Variants in HNRNPK observed in about 807,000 individuals in gnomAD.
The protein encoded by HNRNPK is dC-stretch binding protein.
Under a neutral mutation model 67.0 loss-of-function variants are expected in HNRNPK, and 7 were observed. The observed-to-expected ratio is 0.10, with a 90% CI of 0.06 to 0.20. HNRNPK has a LOEUF of 0.20. Among genes scored for constraint, HNRNPK ranks in the 10% least tolerant of loss-of-function variants. HNRNPK has a pLI of 1.00. For missense variants in HNRNPK, 264 were observed against 606.5 expected (o/e 0.44, Z 5.93); for synonymous variants, 213 against 193.7 (o/e 1.10, Z -0.83).
chr9:83,979,709 A>G (rs1393633318), intron 1 of HNRNPK, among the ~76,000 whole-genome samples: 1 of 134,992 alleles, frequency 7.4e-6, no homozygotes, highest in Non-Finnish European at 1.6e-5. Context: ...CGCGGTCCCG[A>G]GGTCTCATCC....
At chr9:83,970,704 T>C in intron 15 of HNRNPK, 33 bp downstream of exon 15, 3 of 1,247,478 alleles carry the variant, frequency 2.4e-6, no homozygotes, top group Non-Finnish European at 3.5e-6. Context: ...ATAAAAGTGA[T>C]AAAATGTTCC....
intron 6 of HNRNPK, among the ~76,000 whole-genome samples, chr9:83,975,227 T>G (rs1030958457): frequency 1.3e-5 from 2 of 152,110 alleles, no homozygotes; most frequent in Non-Finnish European, 2.9e-5. Context: ...ATGCGGCAAA[T>G]ATGCAACACT....
chr9:83,968,407 A>C lies in HNRNPK; in HGVS notation c.*1000T>G, dbSNP rs189989209. On this transcript the variant is annotated 3_prime_UTR_variant, in exon 17 of 17. Coordinates refer to ENST00000376263, the MANE Select transcript of HNRNPK (RefSeq NM_031263.4). ...ATATATATTTTACAAAGTTTAACTA[A>C]TAAGACACTAGAGCAAATTGACAGT... The C allele has an allele frequency of 6.5e-6, 1 of 152,736 alleles. No homozygotes were observed. The highest frequency in any genetic ancestry group is 1.5e-5 in the Non-Finnish European group (1 of 68,032). 9.5% of individuals were successfully genotyped at this position (152,736 alleles called of 1,614,324 possible).
At chr9:83,969,525 T>C in intron 16 of HNRNPK, 85 bp from the exon 17 acceptor site, 1 of 842,738 alleles carries the variant, frequency 1.2e-6, no homozygotes, top group East Asian at 2.4e-5. Flanking sequence ...CAATGCTAAA[T>C]TAAAATGATA....
chr9:83,975,522 C>T lies in HNRNPK; in HGVS notation c.214-17G>A. 6.2e-7 allele frequency: 1 copy of T among 1,608,162 alleles called. No homozygotes were observed. The highest frequency in any genetic ancestry group is 8.5e-7 in the Non-Finnish European group (1 of 1,174,670). Reference sequence around the variant, plus strand: ...GGCATTGTACTGCATTGGTCATTGGCGTTCGTGGATGTTGGCATTGGGCAT... The same window carrying T: ...GGCATTGTACTGCATTGGTCATTGGTGTTCGTGGATGTTGGCATTGGGCAT... On this transcript the variant is annotated splice_polypyrimidine_tract_variant and intron_variant, in intron 5 of 16. Transcript: ENST00000376263.
chr9:83,972,013 A>G lies in HNRNPK; in HGVS notation c.822T>C (p.Pro274=). 1 of 1,613,796 alleles carries G rather than the reference A, an allele frequency of 6.2e-7. No homozygotes were observed. Among genetic ancestry groups the G allele is most frequent in the Non-Finnish European group, 8.5e-7 (1 of 1,179,822 alleles). ...TATCATCATAATCTCTTCTAGATGG[A>G]GGCATGGGACGCCCACCCCGACCAG... is the stretch of plus-strand genomic sequence containing the variant. ...MPPGRGGRPM[P]PSRRDYDDMS... is the part of the protein sequence containing the mutation. Residue 274 remains proline (P), a synonymous_variant, in exon 11 of 17, where the codon CCT becomes CCC. Transcript: ENST00000376263.
At chr9:83,974,680 A>G in intron 6 of HNRNPK, 91 bp from the exon 7 acceptor site, 1 of 802,014 alleles carries the variant, frequency 1.2e-6, no homozygotes, top group South Asian at 1.5e-5. Context: ...AAACTTTCAC[A>G]GAGATGTAAC....
At chr9:83,979,533 C>T (rs1957259716) in intron 1 of HNRNPK, among the ~76,000 whole-genome samples, 1 of 152,216 alleles carries the variant, frequency 6.6e-6, no homozygotes, top group Non-Finnish European at 1.5e-5. Context: ...CGCCTCCCGG[C>T]ACCGAGATCA....
At chr9:83,974,459 A>G (rs1956986869) in intron 7 of HNRNPK, 58 bp downstream of exon 7, 2 of 832,572 alleles carry the variant, frequency 2.4e-6, no homozygotes, top group East Asian at 2.5e-5. Context: ...CCAATACAAC[A>G]TACTTTAAAC....
chr9:83,972,833 T>C lies in HNRNPK; in HGVS notation c.645+11A>G. On this transcript the variant is annotated intron_variant, in intron 10 of 16. Coordinates refer to ENST00000376263, the MANE Select transcript of HNRNPK (RefSeq NM_031263.4). Reference sequence around the variant, plus strand: ...TAAAATCAAATGTAAACAAAAAGTGTTCTGAAGTACCTCAGATATAAGATC... The same window carrying C: ...TAAAATCAAATGTAAACAAAAAGTGCTCTGAAGTACCTCAGATATAAGATC... 2 of 1,581,990 alleles carry C rather than the reference T, an allele frequency of 1.3e-6. No homozygotes were observed. Among genetic ancestry groups the C allele is most frequent in the Non-Finnish European group, 1.7e-6 (2 of 1,167,114 alleles).
In HNRNPK at chr9:83,968,090, G is replaced by A. The variant is rs936120462; in HGVS notation, c.*1317C>T. The A allele has an allele frequency of 3.9e-5, 6 of 152,312 alleles. No individual in the cohort carries two copies. The highest frequency in any genetic ancestry group is 7.4e-5 in the Non-Finnish European group (5 of 68,006). The allele number at this position is 152,312 out of a possible 1,614,324, so 9.4% of individuals were successfully genotyped here. On this transcript the variant is annotated 3_prime_UTR_variant, in exon 17 of 17. Coordinates refer to ENST00000376263, the MANE Select transcript of HNRNPK (RefSeq NM_031263.4). ...ACACTTCACACAAAAAAATACATAA[G>A]ATTACTATATTTCCTTTTAAGAGGA...
rs180902504 is a variant in HNRNPK, at chr9:83,976,819, C to A, written c.213+176G>T. On this transcript the variant is annotated intron_variant, in intron 5 of 16. Transcript: ENST00000376263. ...AAACCACCCCCCCACCCTGCTCAATCTGGGCTTTTGTTAAAACAGGAATGG... is the reference window on the plus strand; with the variant it reads ...AAACCACCCCCCCACCCTGCTCAATATGGGCTTTTGTTAAAACAGGAATGG... The A allele has an allele frequency of 3.9e-3, 1,800 of 466,026 alleles. 6 individuals carry two copies. The highest frequency in any genetic ancestry group is 7.3e-3 in the Admixed American group (197 of 26,840). 28.9% of individuals were successfully genotyped at this position (466,026 alleles called of 1,614,324 possible). A position where few individuals can be genotyped will look rare whatever the true frequency, so the allele number is the denominator to read the frequency against.
In HNRNPK at chr9:83,977,778, G is replaced by A. The variant is rs745416731; in HGVS notation, c.67C>T (p.Pro23Ser). ...TETNGEFGKR[P>S]AEDMEEEQAF... ...TGTTCCTCTTCCATATCTTCTGCAG[G>A]GCGTTTACCTAAAAATTAACAGTTC... is the stretch of plus-strand genomic sequence containing the variant. The change falls in exon 4 of 17, where the codon CCT (proline) becomes TCT (serine). Residue 23 changes from proline to serine, a missense_variant. Pro to Ser is a moderately conservative substitution (Grantham distance 74). Coordinates refer to ENST00000376263, the MANE Select transcript of HNRNPK (RefSeq NM_031263.4). 6.3e-7 allele frequency: 1 copy of A among 1,596,262 alleles called. No homozygotes were observed. The highest frequency in any genetic ancestry group is 1.7e-5 in the Admixed American group (1 of 59,464).
chr9:83,973,031 T>G, intron 9 of HNRNPK, 59 bp from the exon 10 acceptor site: 2 of 1,273,742 alleles, frequency 1.6e-6, no homozygotes, highest in Non-Finnish European at 2.2e-6. Context: ...CTTTCCTAGG[T>G]TCAGTGAAAA....
intron 10 of HNRNPK, 40 bp from the exon 11 acceptor site, chr9:83,972,229 A>G (rs749656574): frequency 8.3e-6 from 12 of 1,445,902 alleles, no homozygotes; most frequent in South Asian, 5.2e-5. Flanking sequence ...ACTGAAGAAA[A>G]AGAGTCCTGC....
chr9:83,973,433 A>T lies in HNRNPK; in HGVS notation c.403-34T>A, dbSNP rs562056209. The T allele has an allele frequency of 9.1e-6, 11 of 1,204,746 alleles. No individual in the cohort carries two copies. The Admixed American group carries it at 1.5e-4, about 17-fold the overall frequency. The allele number at this position is 1,204,746 out of a possible 1,614,324, so 74.6% of individuals were successfully genotyped here. A position where few individuals can be genotyped will look rare whatever the true frequency, so the allele number is the denominator to read the frequency against. On this transcript the variant is annotated intron_variant, in intron 8 of 16. Coordinates refer to ENST00000376263, the MANE Select transcript of HNRNPK (RefSeq NM_031263.4). ...GGAGAATTATAAAATTTTAGTCTCA[A>T]ATCAACAATTCCCCAATACACACTT...
At position 83,972,026 on chromosome 9, in the gene HNRNPK, C is replaced by G; in HGVS notation, c.809G>C (p.Gly270Ala). Residue 270 changes from glycine (G) to alanine (A), a missense_variant, in exon 11 of 17, where the codon GGG becomes GCG. By Grantham distance (60) the Gly-to-Ala change is moderately conservative. Coordinates refer to ENST00000376263, the MANE Select transcript of HNRNPK (RefSeq NM_031263.4). The part of the protein sequence containing the change: ...GFDRMPPGRG[G>A]RPMPPSRRDY... The stretch of plus-strand genomic sequence containing the variant: ...TCTTCTAGATGGAGGCATGGGACGC[C>G]CACCCCGACCAGGAGGCATTCTGTC... 2 of 1,613,888 alleles carry G rather than the reference C, an allele frequency of 1.2e-6. No individual in the cohort carries two copies. Among genetic ancestry groups the G allele is most frequent in the Non-Finnish European group, 1.7e-6 (2 of 1,179,854 alleles).
chr9:83,973,497 A>G (rs1956947706), intron 8 of HNRNPK, 98 bp from the exon 9 acceptor site: 1 of 728,800 alleles, frequency 1.4e-6, no homozygotes, highest in South Asian at 1.6e-5. Context: ...TGTTGCAGTG[A>G]GCAACCTGAA....
At position 83,971,447 on chromosome 9, in the gene HNRNPK, C is replaced by T. The variant is rs751237555; in HGVS notation, c.1009-91G>A. The T allele has an allele frequency of 2.1e-4, 202 of 945,428 alleles. 2 individuals are homozygous for T. The highest frequency in any genetic ancestry group is 1.3e-3 in the South Asian group (98 of 74,088). The allele number at this position is 945,428 out of a possible 1,614,324, so 58.6% of individuals were successfully genotyped here. ...GCCTAATTTGCATGTTACATTAAAA[C>T]AAAAGAGGGTACATATATAGGCAGC... On this transcript the variant is annotated intron_variant, in intron 12 of 16. Transcript: ENST00000376263.
Sources: allele counts gnomAD v4.1 joint callset (sites outside exome capture counted in the v4.1 genomes callset), GRCh38; gene constraint gnomAD v4.1.1; transcripts MANE v1.5; gene names NCBI Gene and HGNC (gene_info 2026-07-23, HGNC 2026-07-21).